Variants in ZC2HC1A observed in about 807,000 individuals in gnomAD.
ZC2HC1A encodes the protein zinc finger C2HC-type containing 1A.
ZC2HC1A carries 28 observed loss-of-function variants against 40.7 expected under a neutral mutation model. That is an observed-to-expected ratio of 0.69 (90% CI 0.51 to 0.94). ZC2HC1A has a LOEUF of 0.94. Among genes scored for constraint, ZC2HC1A ranks in the 40% least tolerant of loss-of-function variants. The pLI is 0.00. For synonymous variants in ZC2HC1A, 129 were observed against 129.2 expected, an observed-to-expected ratio of 1.00 and a Z score of 0.01; for missense variants, 389 against 386.3, an observed-to-expected ratio of 1.01 and a Z score of -0.06.
chr8:78,714,491 T>C (rs1393794620), intron 7 of ZC2HC1A, among the ~76,000 whole-genome samples: 2 of 152,210 alleles, frequency 1.3e-5, no homozygotes, highest in African/African-American at 2.4e-5. Context: ...TTATAAATGA[T>C]GAGACTCAGA....
At chr8:78,676,040 CT>C (rs1312374838) in intron 2 of ZC2HC1A, 177 bp downstream of exon 2, 3 of 436,640 alleles carry the variant, frequency 6.9e-6, no homozygotes, top group African/African-American at 6.2e-5. Flanking sequence ...GCTTTCTTTC[CT>C]TCAGAGTTTG....
intron 4 of ZC2HC1A, among the ~76,000 whole-genome samples, chr8:78,687,894 A>C (rs1284502666): frequency 1.4e-5 from 1 of 71,990 alleles, no homozygotes; most frequent in Non-Finnish European, 3.2e-5. Flanking sequence ...TATATAATAA[A>C]TTATATATAT....
intron 5 of ZC2HC1A, 142 bp downstream of exon 5, chr8:78,689,515 T>C (rs1397397847): frequency 1.4e-6 from 1 of 724,896 alleles, no homozygotes; most frequent in Non-Finnish European, 2.0e-6. Context: ...TCTATAAAAG[T>C]TGTATGCTTT....
At chr8:78,666,275 G>T in intron 1 of ZC2HC1A, 111 bp downstream of exon 1, 1 of 1,483,824 alleles carries the variant, frequency 6.7e-7, no homozygotes, top group Middle Eastern at 2.4e-4. Flanking sequence ...GGCGGACCTC[G>T]CCGCGTCCCG....
chr8:78,703,016 C>A (rs13265322), intron 7 of ZC2HC1A, among the ~76,000 whole-genome samples: 98,439 of 151,836 alleles, frequency 0.65, 33,758 homozygotes, highest in East Asian at 0.9. Flanking sequence ...CCTGCCTCAG[C>A]CTCTCGAGCA....
Position 78,697,442 on chromosome 8 carries a change from T to A in ZC2HC1A, c.540T>A (p.Pro180=). 6.2e-7 allele frequency: 1 copy of A among 1,609,118 alleles called. No homozygotes were observed. The highest frequency in any genetic ancestry group is 8.5e-7 in the Non-Finnish European group (1 of 1,178,702). The change falls in exon 6 of 9, where the codon CCT becomes CCA. Residue 180 remains proline, a synonymous_variant. Transcript: ENST00000263849. ...CCGCACTTAAAAAGTCAAATTCTCC[T>A]GGAACTGCATCATCAGGATCTTCAC... ...KPPALKKSNS[P]GTASSGSSRL...
chr8:78,716,251 T>G (rs1255149209), intron 8 of ZC2HC1A, among the ~76,000 whole-genome samples: 1 of 151,358 alleles, frequency 6.6e-6, no homozygotes, highest in South Asian at 2.1e-4. Flanking sequence ...GCCTCCCGAG[T>G]AGCTGGGACT....
chr8:78,717,571 T>C lies in ZC2HC1A; in HGVS notation c.*78T>C. 2 of 1,437,570 alleles carry C rather than the reference T, an allele frequency of 1.4e-6. No individual in the cohort carries two copies. The highest frequency in any genetic ancestry group is 1.9e-6 in the Non-Finnish European group (2 of 1,074,504). The allele number at this position is 1,437,570 out of a possible 1,614,324, so 89.1% of individuals were successfully genotyped here. A position where few individuals can be genotyped will look rare whatever the true frequency, so the allele number is the denominator to read the frequency against. ...GCTTGGACAGCTAGAGCACATCCTC[T>C]AGTTAGTTTGTGCTAAAAATACTCG... On this transcript the variant is annotated 3_prime_UTR_variant, in exon 9 of 9. Coordinates refer to ENST00000263849, the MANE Select transcript of ZC2HC1A (RefSeq NM_016010.3).
At chr8:78,709,675 G>C (rs1209507523) in intron 7 of ZC2HC1A, among the ~76,000 whole-genome samples, 1 of 150,950 alleles carries the variant, frequency 6.6e-6, no homozygotes, top group South Asian at 2.1e-4. Flanking sequence ...GAATTGTCTT[G>C]GACCACATAT....
chr8:78,693,263 G>A (rs2130521315), intron 5 of ZC2HC1A, among the ~76,000 whole-genome samples: 1 of 152,066 alleles, frequency 6.6e-6, no homozygotes, highest in South Asian at 2.1e-4. Context: ...GGGATGGCTG[G>A]GTCAAATGGT....
chr8:78,689,283 A>G lies in ZC2HC1A; in HGVS notation c.414A>G (p.Ile138Met), dbSNP rs775516268. ...RFNENAADRHINFCKEQAARI... is the reference protein window; with the variant it reads ...RFNENAADRHMNFCKEQAARI... The stretch of plus-strand genomic sequence containing the variant: ...ATGAAAATGCAGCTGATAGACATAT[A>G]AATTTCTGTAAAGAACAGGCAGCAC... The change falls in exon 5 of 9, where the codon ATA becomes ATG. Residue 138 changes from isoleucine (I) to methionine (M), a missense_variant. By Grantham distance (10) the Ile-to-Met change is conservative. Coordinates refer to ENST00000263849, the MANE Select transcript of ZC2HC1A (RefSeq NM_016010.3). The G allele has an allele frequency of 6.2e-6, 10 of 1,602,172 alleles. No homozygotes were observed. Among genetic ancestry groups the G allele is most frequent in the Non-Finnish European group, 8.5e-6 (10 of 1,174,074 alleles).
intron 3 of ZC2HC1A, 85 bp from the exon 4 acceptor site, chr8:78,686,382 T>G: frequency 1.8e-6 from 2 of 1,083,378 alleles, no homozygotes; most frequent in Non-Finnish European, 2.4e-6. Context: ...TTTAAAATGA[T>G]ATGGAATTAT....
intron 7 of ZC2HC1A, among the ~76,000 whole-genome samples, chr8:78,709,128 C>CT (rs1810876109): frequency 6.6e-6 from 1 of 152,146 alleles, no homozygotes; most frequent in African/African-American, 2.4e-5. Flanking sequence ...AATAGTGAAA[C>CT]TATCAAATAT....
At chr8:78,694,557 A>G (rs78651292) in intron 5 of ZC2HC1A, among the ~76,000 whole-genome samples, 1,791 of 152,270 alleles carry the variant, frequency 0.012, 17 homozygotes, top group Non-Finnish European at 0.019. Flanking sequence ...CGTTATTACA[A>G]TTCCATATGG....
intron 5 of ZC2HC1A, among the ~76,000 whole-genome samples, chr8:78,697,096 A>C (rs1053153710): frequency 6.6e-6 from 1 of 152,190 alleles, no homozygotes; most frequent in Non-Finnish European, 1.5e-5. Context: ...CAATTTGTAT[A>C]ATTCAGTAGA....
chr8:78,712,806 T>G (rs1311247811), intron 7 of ZC2HC1A, among the ~76,000 whole-genome samples: 1 of 152,196 alleles, frequency 6.6e-6, no homozygotes, highest in African/African-American at 2.4e-5. Flanking sequence ...GCCTAAAAAT[T>G]AATATACCTA....
In ZC2HC1A at chr8:78,693,484, A is replaced by G. The variant is rs1029329776; in HGVS notation, c.505-3923A>G. ...GATTTGCATTTCTCTGATGGCCAGT[A>G]ATGATGAACATTTTTTCATGTGTCT... On this transcript the variant is annotated intron_variant, in intron 5 of 8. Transcript: ENST00000263849. 2.0e-5 allele frequency among the ~76,000 whole-genome samples: 3 copies of G among 152,196 alleles called. 1 individual carries two copies. The highest frequency in any genetic ancestry group is 2.9e-5 in the Non-Finnish European group (2 of 68,032).
intron 1 of ZC2HC1A, among the ~76,000 whole-genome samples, chr8:78,670,205 G>C (rs1449713436): frequency 6.6e-6 from 1 of 151,972 alleles, no homozygotes; most frequent in South Asian, 2.1e-4. Flanking sequence ...GACCTCAGGT[G>C]GTCTGCCTGC....
rs1422320618 is a variant in ZC2HC1A at position 78,719,201 on chromosome 8, TA to T, written c.*1709del. 6.7e-6 allele frequency: 1 copy of T among 149,732 alleles called. No individual in the cohort carries two copies. Among genetic ancestry groups the T allele is most frequent in the African/African-American group, 2.4e-5 (1 of 41,044 alleles). 9.3% of individuals were successfully genotyped at this position (149,732 alleles called of 1,614,324 possible). ...CATATAAAGAACTTTAAACTTGTTT[TA>T]TCTAATACTGAGCACTGTTTTTTTG... On this transcript the variant is annotated 3_prime_UTR_variant, in exon 9 of 9. Transcript: ENST00000263849.
Sources: allele counts gnomAD v4.1 joint callset (sites outside exome capture counted in the v4.1 genomes callset), GRCh38; gene constraint gnomAD v4.1.1; transcripts MANE v1.5; gene names NCBI Gene and HGNC (gene_info 2026-07-23, HGNC 2026-07-21).